The following COL19A1 variants were observed in gnomAD, a reference collection of about 807,000 sequenced individuals.
The protein encoded by COL19A1 is collagen type XIX alpha 1 chain.
A neutral mutation model predicts 190.2 loss-of-function variants in COL19A1; 159 were observed. That is an observed-to-expected ratio of 0.84 (90% confidence interval 0.73 to 0.95). COL19A1 has a LOEUF of 0.95. COL19A1 is among the 40% of genes least tolerant of loss of function. The pLI, the probability that COL19A1 is intolerant of heterozygous loss-of-function variation, is 0.00. For synonymous variants in COL19A1, 509 were observed against 458.9 expected (o/e 1.11, Z -1.39); for missense variants, 1,418 against 1,431.9 (o/e 0.99, Z 0.16).
chr6:69,950,119 AACCTACAC>A lies in COL19A1; in HGVS notation c.937-9876_937-9869del, dbSNP rs1774041138. ...ATATAAATCACATTATTCTAAAATA[AACCTACAC>A]TTTGAAATTTAGCTAGGTAATAGCA... On this transcript the variant is annotated intron_variant, in intron 9 of 50. Transcript: ENST00000620364. Among the ~76,000 whole-genome samples the A allele has an allele frequency of 2.0e-5, 3 of 151,872 alleles. No homozygotes were observed. The South Asian group carries it at 6.2e-4, about 31-fold the overall frequency.
intron 14 of COL19A1, among the ~76,000 whole-genome samples, chr6:70,038,936 A>G (rs550049582): frequency 3.1e-4 from 47 of 152,216 alleles, no homozygotes; most frequent in African/African-American, 1.1e-3. Flanking sequence ...GTGTGCCTGT[A>G]GTCTCAGCTA....
At chr6:70,108,008 C>T (rs1368694480) in intron 16 of COL19A1, among the ~76,000 whole-genome samples, 1 of 152,094 alleles carries the variant, frequency 6.6e-6, no homozygotes, top group Non-Finnish European at 1.5e-5. Flanking sequence ...GATAATGAGA[C>T]TTGGAAAGTC....
At chr6:69,978,082 TGA>T (rs1182443509) in intron 11 of COL19A1, among the ~76,000 whole-genome samples, 2 of 152,104 alleles carry the variant, frequency 1.3e-5, no homozygotes, top group African/African-American at 4.8e-5. Flanking sequence ...GATCAGTATG[TGA>T]GTCAACAGCA....
intron 15 of COL19A1, among the ~76,000 whole-genome samples, chr6:70,076,248 T>C (rs997860974): frequency 2.1e-4 from 32 of 152,142 alleles, no homozygotes; most frequent in Admixed American, 2.1e-3. Flanking sequence ...CATTGGCAAT[T>C]CTCCAAGGCT....
chr6:70,019,910 A>G (rs535004838), intron 11 of COL19A1, among the ~76,000 whole-genome samples: 1 of 152,186 alleles, frequency 6.6e-6, no homozygotes, highest in South Asian at 2.1e-4. Flanking sequence ...GCTGGTTACT[A>G]TTGTCAATTT....
At chr6:70,207,061 A>G (rs1767918483) in intron 50 of COL19A1, 83 bp downstream of exon 50, 2 of 1,602,198 alleles carry the variant, frequency 1.2e-6, no homozygotes, top group Admixed American at 1.7e-5. Context: ...TTATATGTCA[A>G]GTCGAGTGAT....
At chr6:70,173,018 A>T (rs778076349) in intron 41 of COL19A1, among the ~76,000 whole-genome samples, 3 of 152,214 alleles carry the variant, frequency 2.0e-5, no homozygotes, top group African/African-American at 4.8e-5. Context: ...TGATTGCATT[A>T]TTAGAGAATA....
intron 14 of COL19A1, among the ~76,000 whole-genome samples, chr6:70,050,747 AAC>A (rs1234737089): frequency 6.6e-6 from 1 of 152,122 alleles, no homozygotes; most frequent in Non-Finnish European, 1.5e-5. Context: ...TTTCAGCAAT[AAC>A]AATATTAATG....
At chr6:69,991,731 G>A (rs1776638137) in intron 11 of COL19A1, among the ~76,000 whole-genome samples, 1 of 151,816 alleles carries the variant, frequency 6.6e-6, no homozygotes, top group African/African-American at 2.4e-5. Flanking sequence ...TTTTTTAATG[G>A]GGTTATTTGG....
At chr6:70,160,664 G>A (rs1227504433) in intron 34 of COL19A1, among the ~76,000 whole-genome samples, 1 of 152,116 alleles carries the variant, frequency 6.6e-6, no homozygotes, top group Non-Finnish European at 1.5e-5. Context: ...ACTGCAGTGT[G>A]ATATAATATT....
chr6:70,055,950 A>G (rs1780483254), intron 14 of COL19A1, among the ~76,000 whole-genome samples: 2 of 151,174 alleles, frequency 1.3e-5, no homozygotes, highest in South Asian at 4.2e-4. Context: ...TGCCTTCCAT[A>G]TTTTTCAAAT....
At chr6:70,067,834 G>C (rs1781335064) in intron 14 of COL19A1, among the ~76,000 whole-genome samples, 1 of 151,794 alleles carries the variant, frequency 6.6e-6, no homozygotes, top group Admixed American at 6.6e-5. Context: ...CAGGAGACTT[G>C]ACTTTCAGAT....
At chr6:70,056,673 G>A (rs1262012059) in intron 14 of COL19A1, among the ~76,000 whole-genome samples, 1 of 151,882 alleles carries the variant, frequency 6.6e-6, no homozygotes, top group Non-Finnish European at 1.5e-5. Flanking sequence ...TTATACTATT[G>A]CAATCTTAAT....
intron 4 of COL19A1, among the ~76,000 whole-genome samples, chr6:69,920,699 G>A (rs1771640879): frequency 6.6e-6 from 1 of 151,734 alleles, no homozygotes; most frequent in African/African-American, 2.4e-5. Context: ...ATATCTAGAT[G>A]ACCTTAATTA....
intron 14 of COL19A1, among the ~76,000 whole-genome samples, chr6:70,065,675 T>C (rs990765670): frequency 1.3e-5 from 2 of 152,136 alleles, no homozygotes; most frequent in Non-Finnish European, 2.9e-5. Flanking sequence ...ACAGGCAACC[T>C]ACAGAATGGG....
chr6:70,069,596 C>T (rs1309360503), intron 15 of COL19A1, among the ~76,000 whole-genome samples: 1 of 152,120 alleles, frequency 6.6e-6, no homozygotes, highest in African/African-American at 2.4e-5. Flanking sequence ...AAGTACGCCC[C>T]ATACCACAGA....
intron 4 of COL19A1, among the ~76,000 whole-genome samples, chr6:69,904,997 C>A (rs1770452594): frequency 6.6e-6 from 1 of 152,144 alleles, no homozygotes; most frequent in African/African-American, 2.4e-5. Context: ...GTGCTTTCTC[C>A]ACACTCACAG....
chr6:70,105,052 A>G (rs2150191530), intron 16 of COL19A1, among the ~76,000 whole-genome samples: 1 of 152,326 alleles, frequency 6.6e-6, no homozygotes, highest in South Asian at 2.1e-4. Flanking sequence ...ATATAGATTT[A>G]GAACTTAAAC....
intron 9 of COL19A1, among the ~76,000 whole-genome samples, chr6:69,938,425 C>T (rs1167796235): frequency 6.6e-6 from 1 of 152,044 alleles, no homozygotes; most frequent in Non-Finnish European, 1.5e-5. Flanking sequence ...TTCCCCAAAT[C>T]CCTGTTGAAT....
Sources: gnomAD v4.1 joint callset for allele counts (sites outside exome capture counted in the v4.1 genomes callset) on GRCh38, gnomAD v4.1.1 for gene constraint, MANE v1.5 for transcripts, NCBI Gene and HGNC (gene_info 2026-07-23, HGNC 2026-07-21) for gene names.